RSRC1: variants seen among roughly 807,000 people sequenced by gnomAD.
RSRC1 encodes arginine and serine rich coiled-coil 1.
Under a neutral mutation model 49.1 loss-of-function variants are expected in RSRC1, and 39 were observed. The ratio of observed to expected loss-of-function variants is 0.79; its 90% CI spans 0.61 to 1.04. The LOEUF (loss-of-function observed/expected upper bound fraction) is 1.04, where lower values mean the gene tolerates loss of function less well. Among genes scored for constraint, RSRC1 ranks in the 50% least tolerant of loss-of-function variants. The pLI, the probability that RSRC1 is intolerant of heterozygous loss-of-function variation, is 0.00. For missense variants in RSRC1, 388 were observed against 402.4 expected (o/e 0.96, Z 0.31); for synonymous variants, 143 against 130.8 (o/e 1.09, Z -0.63).
intron 7 of RSRC1, among the ~76,000 whole-genome samples, chr3:158,514,453 CT>C (rs1337417582): frequency 6.6e-6 from 1 of 152,162 alleles, no homozygotes; most frequent in African/African-American, 2.4e-5. Flanking sequence ...ATCCTGAGTT[CT>C]AGTTTGATTG....
intron 6 of RSRC1, among the ~76,000 whole-genome samples, chr3:158,381,720 A>G (rs1732707564): frequency 6.6e-6 from 1 of 152,230 alleles, no homozygotes; most frequent in East Asian, 1.9e-4. Context: ...ACACAATGGT[A>G]TTTGTATATC....
At chr3:158,165,555 G>A (rs1312323474) in intron 3 of RSRC1, among the ~76,000 whole-genome samples, 1 of 152,204 alleles carries the variant, frequency 6.6e-6, no homozygotes, top group Non-Finnish European at 1.5e-5. Context: ...CTTGGCTGGC[G>A]CCGTTAATCA....
intron 7 of RSRC1, among the ~76,000 whole-genome samples, chr3:158,493,290 A>G (rs572929940): frequency 6.6e-6 from 1 of 152,280 alleles, no homozygotes; most frequent in East Asian, 1.9e-4. Context: ...TCCCCAGTAG[A>G]AGTCTTTGAA....
In RSRC1 at chr3:158,153,936, G is replaced by A. The variant is rs140340411; in HGVS notation, c.320+29945G>A. Among the ~76,000 whole-genome samples, 777 of 152,206 alleles carry A rather than the reference G, an allele frequency of 5.1e-3. 4 individuals are homozygous for A. The highest frequency in any genetic ancestry group is 0.018 in the African/African-American group (740 of 41,542). On this transcript the variant is annotated intron_variant, in intron 3 of 9. Coordinates refer to ENST00000611884, the MANE Select transcript of RSRC1 (RefSeq NM_001271838.2). ...AATTATGAGACTGGGATACATGTAT[G>A]CAAAATGTGAAAATATAGCTTTCCA...
intron 4 of RSRC1, among the ~76,000 whole-genome samples, chr3:158,284,876 G>C (rs1303880710): frequency 6.6e-6 from 1 of 151,008 alleles, no homozygotes; most frequent in Non-Finnish European, 1.5e-5. Flanking sequence ...TTCTTTTGCT[G>C]TGCAGAAGCT....
chr3:158,421,532 T>A (rs1343961589), intron 6 of RSRC1, among the ~76,000 whole-genome samples: 2 of 151,902 alleles, frequency 1.3e-5, no homozygotes, highest in East Asian at 3.9e-4. Flanking sequence ...AAGATGGAAA[T>A]AAGTGGACTG....
At chr3:158,399,146 TTTTTTTTTTTTTTTTTTTTTTTTTTTG>T (rs1733772120) in intron 6 of RSRC1, among the ~76,000 whole-genome samples, 2 of 10,818 alleles carry the variant, frequency 1.8e-4, no homozygotes, top group African/African-American at 1.2e-3. Flanking sequence ...TTTTTTTTTT[TTTTTTTTTTTTTTTTTTTTTTTTTTTG>T]AGACGGAGTC....
At chr3:158,134,560 A>G (rs1716239419) in intron 3 of RSRC1, among the ~76,000 whole-genome samples, 1 of 152,216 alleles carries the variant, frequency 6.6e-6, no homozygotes, top group Non-Finnish European at 1.5e-5. Flanking sequence ...AAGATGCCTG[A>G]CAGATGAGCC....
At chr3:158,259,382 G>A (rs1366529011) in intron 4 of RSRC1, among the ~76,000 whole-genome samples, 1 of 152,034 alleles carries the variant, frequency 6.6e-6, no homozygotes, top group Non-Finnish European at 1.5e-5. Context: ...GAATTTTTTG[G>A]ATTACCACAC....
At chr3:158,307,145 T>G (rs1452197628) in intron 5 of RSRC1, among the ~76,000 whole-genome samples, 3 of 151,872 alleles carry the variant, frequency 2.0e-5, no homozygotes, top group Non-Finnish European at 4.4e-5. Flanking sequence ...TGTTTGTTTT[T>G]TTTACTGAGC....
At chr3:158,111,108 A>C (rs1435910275) in intron 1 of RSRC1, among the ~76,000 whole-genome samples, 4 of 152,220 alleles carry the variant, frequency 2.6e-5, no homozygotes, top group Non-Finnish European at 5.9e-5. Flanking sequence ...TCATCTTTGA[A>C]CTTAGATGTA....
chr3:158,418,738 A>G (rs1207061485), intron 6 of RSRC1, among the ~76,000 whole-genome samples: 1 of 152,004 alleles, frequency 6.6e-6, no homozygotes, highest in Non-Finnish European at 1.5e-5. Context: ...AGCCTTGAGT[A>G]GAGCAGAATT....
chr3:158,260,419 G>A (rs760010124), intron 4 of RSRC1, among the ~76,000 whole-genome samples: 21 of 152,090 alleles, frequency 1.4e-4, no homozygotes, highest in Admixed American at 7.9e-4. Context: ...TGCTGTGGCC[G>A]AGTTGGTATC....
At chr3:158,510,320 T>G (rs1190173933) in intron 7 of RSRC1, among the ~76,000 whole-genome samples, 1 of 152,226 alleles carries the variant, frequency 6.6e-6, no homozygotes, top group Non-Finnish European at 1.5e-5. Context: ...TAGTTCTTTG[T>G]AAATTAATAT....
At chr3:158,419,562 T>A (rs1734927904) in intron 6 of RSRC1, among the ~76,000 whole-genome samples, 1 of 151,932 alleles carries the variant, frequency 6.6e-6, no homozygotes, top group Admixed American at 6.6e-5. Context: ...TTTGTAGAAG[T>A]CATTTTCAAA....
rs192244196 is a variant in RSRC1, at chr3:158,146,586, T to A, written c.320+22595T>A. Among the ~76,000 whole-genome samples the A allele has an allele frequency of 3.0e-3, 464 of 152,298 alleles. 2 individuals carry two copies. Among genetic ancestry groups the A allele is most frequent in the Middle Eastern group, 0.01 (3 of 294 alleles). On this transcript the variant is annotated intron_variant, in intron 3 of 9. Transcript: ENST00000611884. ...GTACATCAGGGATATAGGTCTAAAA[T>A]TCTCTTTTTTTGTTGTGTCTCTGCC...
chr3:158,477,057 A>G (rs1430351081), intron 7 of RSRC1, among the ~76,000 whole-genome samples: 1 of 152,158 alleles, frequency 6.6e-6, no homozygotes, highest in African/African-American at 2.4e-5. Flanking sequence ...AAACTAGAAG[A>G]GGAACCTGAA....
chr3:158,373,202 T>G (rs1470862928), intron 6 of RSRC1, among the ~76,000 whole-genome samples: 6 of 151,908 alleles, frequency 3.9e-5, no homozygotes, highest in Non-Finnish European at 8.8e-5. Context: ...AAATTTTATT[T>G]TCAAAACTGG....
chr3:158,466,804 G>A (rs1737910165), intron 7 of RSRC1, among the ~76,000 whole-genome samples: 1 of 152,196 alleles, frequency 6.6e-6, no homozygotes, highest in Non-Finnish European at 1.5e-5. Context: ...GCTCACATCT[G>A]TAATCCCAGC....
Sources: gnomAD v4.1 joint callset for allele counts (sites outside exome capture counted in the v4.1 genomes callset) on GRCh38, gnomAD v4.1.1 for gene constraint, MANE v1.5 for transcripts, NCBI Gene and HGNC (gene_info 2026-07-23, HGNC 2026-07-21) for gene names.